Variants in FAM9A observed in about 807,000 individuals in gnomAD.
FAM9A encodes the protein protein FAM9A.
In FAM9A, 49 loss-of-function variants were observed where a neutral mutation model predicts 25.0. That is an observed-to-expected ratio of 1.96 (90% CI 1.56 to 2.48). The LOEUF (loss-of-function observed/expected upper bound fraction) is 2.48. Among genes scored for constraint, FAM9A ranks in the 30% most tolerant of loss-of-function variants. FAM9A has a pLI of 0.00. For missense variants in FAM9A, 266 were observed against 249.3 expected, an observed-to-expected ratio of 1.07 and a Z score of -0.45; for synonymous variants, 80 against 85.1, an observed-to-expected ratio of 0.94 and a Z score of 0.33.
In FAM9A at chrX:8,800,077, G is replaced by A. The variant is rs748687140; in HGVS notation, c.91+4C>T. ...GCAAACAGACCATCTCCTTGGGCGT[G>A]CACCTTCTTTCGTGGCCCCCTGGGC... On this transcript the variant is annotated splice_donor_region_variant and intron_variant, in intron 2 of 9. Transcript: ENST00000381003. 1 of 1,208,086 alleles carries A rather than the reference G, an allele frequency of 8.3e-7. No individual in the cohort carries two copies. Among genetic ancestry groups the A allele is most frequent in the Admixed American group, 2.2e-5 (1 of 45,826 alleles).
rs1569104246 is a variant in FAM9A, at chrX:8,795,334, T to C, written c.575A>G (p.Glu192Gly). 2 of 1,209,195 alleles carry C rather than the reference T, an allele frequency of 1.7e-6. No individual in the cohort carries two copies. Among genetic ancestry groups the C allele is most frequent in the Non-Finnish European group, 2.2e-6 (2 of 895,043 alleles). Residue 192 changes from glutamate to glycine, a missense_variant, in exon 7 of 10, where the codon GAA (glutamate) becomes GGA (glycine). Physicochemically the swap from Glu to Gly is moderately conservative, Grantham distance 98 (BLOSUM62 -2). Coordinates refer to ENST00000381003, the MANE Select transcript of FAM9A (RefSeq NM_174951.3). ...IAEKQKDDEA[E>G]EAEAAAAAAE... ...TGCTGCTGCTGCGGCTTCTGCTTCT[T>C]CTGCTTCATCATCTTTCTGCTTCTC...
chrX:8,799,593 A>C (rs1454373899), intron 2 of FAM9A, among the ~76,000 whole-genome samples: 46 of 28,488 alleles, frequency 1.6e-3, no homozygotes, highest in Admixed American at 3.2e-3. Flanking sequence ...CTCCCCACAC[A>C]CTCCGCCCCT....
Position 8,795,371 on chromosome X carries a change from C to T in FAM9A, c.538G>A (p.Glu180Lys). 13 of 1,204,961 alleles carry T rather than the reference C, an allele frequency of 1.1e-5. No homozygotes were observed. The highest frequency in any genetic ancestry group is 1.2e-5 in the Non-Finnish European group (11 of 891,637). ...HTRKLLNVLKEYIAEKQKDDE... is the reference protein window; with the variant it reads ...HTRKLLNVLKKYIAEKQKDDE... ...TCTTTCTGCTTCTCTGCGATGTATTCTTTAAGGACATTCAGCAACTTCCGA... is the reference window on the plus strand; with the variant it reads ...TCTTTCTGCTTCTCTGCGATGTATTTTTTAAGGACATTCAGCAACTTCCGA... Residue 180 changes from glutamate to lysine, a missense_variant, in exon 7 of 10, where the codon GAA becomes AAA. Transcript: ENST00000381003.
intron 3 of FAM9A, 40 bp downstream of exon 3, chrX:8,798,926 G>A: frequency 8.3e-7 from 1 of 1,211,249 alleles, no homozygotes; most frequent in Non-Finnish European, 1.1e-6. Flanking sequence ...CGTCCTCTTG[G>A]GCGTGCACCT....
rs747588079 is a variant in FAM9A, at chrX:8,799,097, G to C, written c.92-3C>G. 3.4e-5 allele frequency: 41 copies of C among 1,202,756 alleles called. No homozygotes were observed. The highest frequency in any genetic ancestry group is 4.6e-5 in the Non-Finnish European group (41 of 890,033). On this transcript the variant is annotated splice_polypyrimidine_tract_variant and splice_region_variant and intron_variant, in intron 2 of 9. Coordinates refer to ENST00000381003, the MANE Select transcript of FAM9A (RefSeq NM_174951.3). ...GAAGTTAGAGGCGATCCCTGAACCTGGTTGAGTGCAAAGTCAAACTAAGTA... is the reference window on the plus strand; with the variant it reads ...GAAGTTAGAGGCGATCCCTGAACCTCGTTGAGTGCAAAGTCAAACTAAGTA...
chrX:8,800,107 G>T lies in FAM9A; in HGVS notation c.65C>A (p.Thr22Lys), dbSNP rs763112096. The T allele has an allele frequency of 5.0e-6, 6 of 1,208,806 alleles. No individual in the cohort carries two copies. Among genetic ancestry groups the T allele is most frequent in the Non-Finnish European group, 5.6e-6 (5 of 894,195 alleles). The change falls in exon 2 of 10, where the codon ACG becomes AAG. Residue 22 changes from threonine (T) to lysine (K), a missense_variant. Coordinates refer to ENST00000381003, the MANE Select transcript of FAM9A (RefSeq NM_174951.3). ...TTCTTTCGTGGCCCCCTGGGCGGCC[G>T]TAACTTGAGCTTCCAACTGAGCTTT... The part of the protein sequence containing the change: ...AAKAQLEAQV[T>K]AAQGATKEGS...
chrX:8,794,156 C>T (rs1248307345), intron 7 of FAM9A, among the ~76,000 whole-genome samples: 1 of 111,698 alleles, frequency 9.0e-6, no homozygotes, highest in South Asian at 3.7e-4. Flanking sequence ...AGTATGCACA[C>T]GGATGAACCT....
intron 5 of FAM9A, among the ~76,000 whole-genome samples, chrX:8,796,803 G>C (rs979802747): frequency 1.8e-5 from 2 of 111,561 alleles, no homozygotes; most frequent in Non-Finnish European, 3.8e-5. Flanking sequence ...CCATCAAAAG[G>C]GTAGAAATAA....
chrX:8,793,994 C>T (rs1933498397), intron 7 of FAM9A, among the ~76,000 whole-genome samples: 1 of 112,296 alleles, frequency 8.9e-6, no homozygotes, highest in Non-Finnish European at 1.9e-5. Context: ...ATAATCAACA[C>T]ATATGTCTTA....
At chrX:8,800,059 G>T (rs1204672370) in intron 2 of FAM9A, 22 bp downstream of exon 2, 3 of 1,205,874 alleles carry the variant, frequency 2.5e-6, no homozygotes, top group Non-Finnish European at 3.4e-6. Flanking sequence ...AGAGCAAACA[G>T]ACCATCTCCT....
intron 7 of FAM9A, among the ~76,000 whole-genome samples, chrX:8,794,556 C>T (rs191960745): frequency 1.1e-4 from 12 of 111,707 alleles, no homozygotes; most frequent in African/African-American, 3.6e-4. Flanking sequence ...GACCACTGCA[C>T]TCAGCTGTTT....
chrX:8,792,803 G>A (rs1013059351), intron 8 of FAM9A, among the ~76,000 whole-genome samples: 4 of 112,013 alleles, frequency 3.6e-5, no homozygotes, highest in Admixed American at 1.9e-4. Flanking sequence ...TTTTCACAAG[G>A]TTATTAAAAA....
intron 5 of FAM9A, among the ~76,000 whole-genome samples, chrX:8,796,666 G>A (rs931989098): frequency 7.1e-5 from 8 of 111,928 alleles, no homozygotes; most frequent in African/African-American, 2.3e-4. Flanking sequence ...TGTGCAGAAA[G>A]CGTTACAAAC....
intron 5 of FAM9A, among the ~76,000 whole-genome samples, 174 bp from the exon 6 acceptor site, chrX:8,796,556 T>C (rs1256584894): frequency 8.9e-6 from 1 of 112,191 alleles, no homozygotes; most frequent in Non-Finnish European, 1.9e-5. Context: ...TGTAAAACCT[T>C]TTACGTATTA....
intron 3 of FAM9A, 30 bp downstream of exon 3, chrX:8,798,936 T>C: frequency 8.3e-7 from 1 of 1,211,897 alleles, no homozygotes. Context: ...GGCGTGCACC[T>C]TCTTTTCTGG....
intron 7 of FAM9A, among the ~76,000 whole-genome samples, chrX:8,794,389 C>T (rs1933502453): frequency 8.9e-6 from 1 of 111,842 alleles, no homozygotes; most frequent in Non-Finnish European, 1.9e-5. Flanking sequence ...CCTTTCAATC[C>T]TCCAAATAAC....
At chrX:8,801,146 C>G (rs1427095266) in intron 1 of FAM9A, 165 bp downstream of exon 1, 1 of 107,922 alleles carries the variant, frequency 9.3e-6, no homozygotes, top group East Asian at 3.0e-4. Flanking sequence ...TCGGGCTGCC[C>G]GTGTGCAGGT....
chrX:8,792,443 TA>T lies in FAM9A; in HGVS notation c.931-1065del, dbSNP rs765962616. 1.1e-3 allele frequency among the ~76,000 whole-genome samples: 117 copies of T among 110,892 alleles called. 1 individual carries two copies. Among genetic ancestry groups the T allele is most frequent in the African/African-American group, 3.8e-3 (116 of 30,492 alleles). On this transcript the variant is annotated intron_variant, in intron 8 of 9. Transcript: ENST00000381003. ...ACTAGGGCAGCTGCGGTGGGAATTT[TA>T]AAAAAAGAAATTTAAGGGCCATTAC...
At position 8,795,083 on chromosome X, in the gene FAM9A, G is replaced by A; in HGVS notation, c.826C>T (p.Gln276Ter). 1.7e-6 allele frequency: 2 copies of A among 1,175,478 alleles called. No homozygotes were observed. The part of the protein sequence containing the change: ...EEEEEEEEEE[Q>*]IKAFQEKQKR... ...AAGCTAAGCCTGATACCAACAATTT[G>A]TTCTTCCTCTTCCTCTTCTTCTTCT... The change falls in exon 7 of 10, where the codon CAA (glutamine) becomes TAA (stop). Residue 276 changes from glutamine to a stop codon, truncating the protein, a stop_gained. Coordinates refer to ENST00000381003, the MANE Select transcript of FAM9A (RefSeq NM_174951.3). LOFTEE classifies it high-confidence loss of function.
Sources: gnomAD v4.1 joint callset for allele counts (sites outside exome capture counted in the v4.1 genomes callset) on GRCh38, gnomAD v4.1.1 for gene constraint, MANE v1.5 for transcripts, NCBI Gene and HGNC (gene_info 2026-07-23, HGNC 2026-07-21) for gene names.